UGT1A9: variants seen among roughly 807,000 people sequenced by gnomAD.
The protein encoded by UGT1A9 is UDP-glucuronosyltransferase 1A9.
UGT1A9 carries 35 observed loss-of-function variants against 45.0 expected under a neutral mutation model. The ratio of observed to expected loss-of-function variants is 0.78; its 90% CI spans 0.59 to 1.03. The LOEUF is 1.03. Ranked by LOEUF, UGT1A9 falls within the 50% of genes least tolerant of loss-of-function variation. UGT1A9 has a pLI of 0.00. For synonymous variants in UGT1A9, 278 were observed against 250.6 expected, an observed-to-expected ratio of 1.11 and a Z score of -1.03; for missense variants, 687 against 666.6, an observed-to-expected ratio of 1.03 and a Z score of -0.34.
intron 1 of UGT1A9, chr2:233,741,630 C>G (rs1050074339): frequency 1.3e-5 from 2 of 151,896 alleles, no homozygotes; most frequent in African/African-American, 4.9e-5. Flanking sequence ...CCATGAGCCC[C>G]TGTGGGATGG....
intron 1 of UGT1A9, among the ~76,000 whole-genome samples, chr2:233,756,782 T>C (rs754462005): frequency 2.0e-5 from 3 of 152,090 alleles, no homozygotes; most frequent in Non-Finnish European, 4.4e-5. Context: ...CTTTGATAAA[T>C]TGTGGGGCAA....
chr2:233,695,125 C>CTTTT (rs2075261656), intron 1 of UGT1A9, among the ~76,000 whole-genome samples: 4 of 113,980 alleles, frequency 3.5e-5, no homozygotes, highest in Non-Finnish European at 5.3e-5. Context: ...CAACCCTTTT[C>CTTTT]TTTTCTTTTT....
At chr2:233,697,826 A>G (rs2125573469) in intron 1 of UGT1A9, among the ~76,000 whole-genome samples, 1 of 152,286 alleles carries the variant, frequency 6.6e-6, no homozygotes, top group South Asian at 2.1e-4. Context: ...TTTCAAGAAA[A>G]TCTAATTAAG....
chr2:233,681,775 G>A (rs372304143), intron 1 of UGT1A9: 2 of 917,158 alleles, frequency 2.2e-6, no homozygotes, highest in Non-Finnish European at 2.6e-6. Context: ...GGCTACTCAT[G>A]TATTATTATG....
At chr2:233,743,378 C>G (rs1480279341) in intron 1 of UGT1A9, 1 of 1,169,844 alleles carries the variant, frequency 8.5e-7, no homozygotes, top group Non-Finnish European at 1.2e-6. Flanking sequence ...CCATCACTAC[C>G]GTAGGACATG....
intron 1 of UGT1A9, among the ~76,000 whole-genome samples, chr2:233,759,532 G>GTTC (rs994787528): frequency 5.4e-4 from 82 of 152,192 alleles, no homozygotes; most frequent in African/African-American, 1.9e-3. Flanking sequence ...GAAGACTTCT[G>GTTC]TTCACATGCG....
chr2:233,742,472 C>T (rs1248700519), intron 1 of UGT1A9, among the ~76,000 whole-genome samples: 4 of 151,922 alleles, frequency 2.6e-5, no homozygotes. Flanking sequence ...TTCCAGTAAA[C>T]TCACAACCTT....
intron 1 of UGT1A9, among the ~76,000 whole-genome samples, chr2:233,702,893 A>T (rs554426682): frequency 2.0e-5 from 3 of 152,324 alleles, no homozygotes; most frequent in Admixed American, 2.0e-4. Flanking sequence ...CATCATATCC[A>T]TAAGAGATAT....
Position 233,674,920 on chromosome 2 carries a change from G to C in UGT1A9, c.855+2131G>C, listed in dbSNP as rs181012104. 4.0e-4 allele frequency among the ~76,000 whole-genome samples: 61 copies of C among 152,302 alleles called. No individual in the cohort carries two copies. The East Asian group carries it at 9.3e-3, about 23-fold the overall frequency. The stretch of plus-strand genomic sequence containing the variant: ...TTCCTTGTTTCAGATGCCAGGATGT[G>C]TCTGGGAAAAGCATGCAGTTGGTTA... On this transcript the variant is annotated intron_variant, in intron 1 of 4. Coordinates refer to ENST00000354728, the MANE Select transcript of UGT1A9 (RefSeq NM_021027.3).
chr2:233,681,985 A>C, intron 1 of UGT1A9: 2 of 1,614,108 alleles, frequency 1.2e-6, no homozygotes, highest in Non-Finnish European at 1.7e-6. Flanking sequence ...ATGTGTGTCT[A>C]CTGCTGACCT....
intron 1 of UGT1A9, chr2:233,747,520 CAG>C (rs1211118425): frequency 1.2e-6 from 2 of 1,606,826 alleles, no homozygotes; most frequent in African/African-American, 2.7e-5. Flanking sequence ...TACTTTGAAA[CAG>C]AACATTTTCT....
At chr2:233,732,694 G>A (rs2078300923) in intron 1 of UGT1A9, among the ~76,000 whole-genome samples, 1 of 150,038 alleles carries the variant, frequency 6.7e-6, no homozygotes, top group Non-Finnish European at 1.5e-5. Flanking sequence ...CACCCATGCT[G>A]TTTTGTTACT....
chr2:233,672,078 C>T lies in UGT1A9; in HGVS notation c.144C>T (p.Leu48=). The T allele has an allele frequency of 6.2e-7, 1 of 1,614,116 alleles. No individual in the cohort carries two copies. ...CCATGAGGTCGGTGGTGGAGAAACT[C>T]ATTCTCAGGGGGCATGAGGTGGTTG... ...WFTMRSVVEK[L]ILRGHEVVVV... The change falls in exon 1 of 5, where the codon CTC becomes CTT. Residue 48 remains leucine, a synonymous_variant. Transcript: ENST00000354728.
intron 1 of UGT1A9, among the ~76,000 whole-genome samples, chr2:233,684,990 G>A (rs1326725422): frequency 6.6e-6 from 1 of 152,146 alleles, no homozygotes; most frequent in African/African-American, 2.4e-5. Context: ...TGCAGTGTGT[G>A]TGTATGTGGT....
intron 1 of UGT1A9, among the ~76,000 whole-genome samples, chr2:233,724,363 C>T (rs1212893783): frequency 1.6e-4 from 22 of 136,704 alleles, no homozygotes; most frequent in African/African-American, 2.2e-4. Flanking sequence ...CCCTCCCGGA[C>T]GGGGTGGCTG....
intron 1 of UGT1A9, among the ~76,000 whole-genome samples, chr2:233,738,370 A>G (rs1385050475): frequency 1.3e-5 from 2 of 152,228 alleles, no homozygotes; most frequent in African/African-American, 4.8e-5. Flanking sequence ...CTGCTATAAA[A>G]CTACTTGAAA....
At chr2:233,755,813 A>T (rs1317393692) in intron 1 of UGT1A9, 3 of 152,236 alleles carry the variant, frequency 2.0e-5, no homozygotes, top group African/African-American at 7.2e-5. Context: ...TTAAAACAGA[A>T]TTAAAAAGAC....
rs1700546112 is a variant in UGT1A9 at position 233,772,763 on chromosome 2, C to T, written c.*204C>T. ...TAAAGATATTTGAATATGTATCGTGCCCCCTCTGGTGTCTTTGATCAGGAT... is the reference window on the plus strand; with the variant it reads ...TAAAGATATTTGAATATGTATCGTGTCCCCTCTGGTGTCTTTGATCAGGAT... On this transcript the variant is annotated 3_prime_UTR_variant, in exon 5 of 5. Transcript: ENST00000354728. 1 of 1,384,392 alleles carries T rather than the reference C, an allele frequency of 7.2e-7. No individual in the cohort carries two copies. Among genetic ancestry groups the T allele is most frequent in the South Asian group, 1.5e-5 (1 of 65,502 alleles). The allele number at this position is 1,384,392 out of a possible 1,614,324, so 85.8% of individuals were successfully genotyped here. A position where few individuals can be genotyped will look rare whatever the true frequency, so the allele number is the denominator to read the frequency against.
intron 1 of UGT1A9, among the ~76,000 whole-genome samples, chr2:233,724,139 G>A (rs2077174817): frequency 8.1e-6 from 1 of 123,450 alleles, no homozygotes; most frequent in South Asian, 2.8e-4. Context: ...TCCCGGACGG[G>A]GCGGCTGGCC....
Sources: gnomAD v4.1 joint callset for allele counts (sites outside exome capture counted in the v4.1 genomes callset) on GRCh38, gnomAD v4.1.1 for gene constraint, MANE v1.5 for transcripts, NCBI Gene and HGNC (gene_info 2026-07-23, HGNC 2026-07-21) for gene names.